The following ZMAT4 variants were observed in gnomAD, a reference collection of about 807,000 sequenced individuals.
ZMAT4 encodes zinc finger matrin-type protein 4.
Under a neutral mutation model 28.7 loss-of-function variants are expected in ZMAT4, and 17 were observed. The observed-to-expected ratio is 0.59, with a 90% confidence interval of 0.41 to 0.89. ZMAT4 has a LOEUF of 0.89. Among genes scored for constraint, ZMAT4 ranks in the 40% least tolerant of loss-of-function variants. The pLI is 0.00. For synonymous variants in ZMAT4, 117 were observed against 109.2 expected, an observed-to-expected ratio of 1.07 and a Z score of -0.44; for missense variants, 240 against 283.8, an observed-to-expected ratio of 0.85 and a Z score of 1.11.
intron 5 of ZMAT4, among the ~76,000 whole-genome samples, chr8:40,647,919 T>C (rs1243330190): frequency 6.6e-6 from 1 of 152,034 alleles, no homozygotes; most frequent in African/African-American, 2.4e-5. Flanking sequence ...CCAAAAACCA[T>C]CTGTACATCA....
At chr8:40,707,434 T>C (rs957170624) in intron 3 of ZMAT4, among the ~76,000 whole-genome samples, 5 of 152,160 alleles carry the variant, frequency 3.3e-5, no homozygotes, top group Non-Finnish European at 7.3e-5. Flanking sequence ...TGGATATCAC[T>C]TATAATTATT....
chr8:40,680,868 T>C (rs1033043628), intron 4 of ZMAT4, among the ~76,000 whole-genome samples: 2 of 152,158 alleles, frequency 1.3e-5, no homozygotes, highest in East Asian at 1.9e-4. Context: ...GGCTTTAGGA[T>C]AGTGAAGTTT....
chr8:40,820,882 TGTA>T (rs1815784936), intron 2 of ZMAT4, among the ~76,000 whole-genome samples: 1 of 45,800 alleles, frequency 2.2e-5, no homozygotes, highest in Non-Finnish European at 4.7e-5. Flanking sequence ...TGTGTGCATG[TGTA>T]TGTGTTTATG....
At chr8:40,688,025 A>C (rs913781546) in intron 4 of ZMAT4, among the ~76,000 whole-genome samples, 1 of 152,186 alleles carries the variant, frequency 6.6e-6, no homozygotes, top group African/African-American at 2.4e-5. Context: ...TGAGGATTGC[A>C]CTCAGAATGC....
intron 3 of ZMAT4, among the ~76,000 whole-genome samples, chr8:40,710,256 C>T (rs746368336): frequency 3.3e-5 from 5 of 152,094 alleles, no homozygotes; most frequent in Non-Finnish European, 2.9e-5. Context: ...GTTAATTATA[C>T]TGGTGCTGTA....
intron 1 of ZMAT4, among the ~76,000 whole-genome samples, chr8:40,835,115 A>G (rs556215629): frequency 6.6e-6 from 1 of 152,302 alleles, no homozygotes; most frequent in African/African-American, 2.4e-5. Context: ...CTCTTTCTGC[A>G]CTTTCAGAGG....
At chr8:40,881,579 A>AAAGG (rs1818265254) in intron 1 of ZMAT4, among the ~76,000 whole-genome samples, 1 of 107,502 alleles carries the variant, frequency 9.3e-6, no homozygotes, top group East Asian at 3.1e-4. Context: ...AGAAAGAAAG[A>AAAGG]AAGAAAGAAA....
At chr8:40,623,284 G>A (rs765672084) in intron 5 of ZMAT4, among the ~76,000 whole-genome samples, 13 of 152,184 alleles carry the variant, frequency 8.5e-5, no homozygotes, top group Non-Finnish European at 1.8e-4. Context: ...GGATGATGTG[G>A]TGTAGAATAT....
intron 2 of ZMAT4, among the ~76,000 whole-genome samples, chr8:40,785,795 T>A (rs975735320): frequency 6.6e-6 from 1 of 152,196 alleles, no homozygotes; most frequent in African/African-American, 2.4e-5. Context: ...GGGCACCACA[T>A]TATGCAGTAC....
At chr8:40,534,603 C>G (rs1454428653) in intron 6 of ZMAT4, among the ~76,000 whole-genome samples, 1 of 150,684 alleles carries the variant, frequency 6.6e-6, no homozygotes, top group Non-Finnish European at 1.5e-5. Flanking sequence ...GATAGCTCAT[C>G]TTCTTTTTGA....
At chr8:40,581,573 A>T (rs1804465679) in intron 5 of ZMAT4, among the ~76,000 whole-genome samples, 1 of 152,214 alleles carries the variant, frequency 6.6e-6, no homozygotes, top group Admixed American at 6.5e-5. Flanking sequence ...TCTCTAGATC[A>T]TATAGACATA....
At chr8:40,591,475 G>A (rs570658755) in intron 5 of ZMAT4, among the ~76,000 whole-genome samples, 1 of 152,250 alleles carries the variant, frequency 6.6e-6, no homozygotes, top group Non-Finnish European at 1.5e-5. Context: ...TGAGGCTGGG[G>A]ACACTAAGAC....
chr8:40,860,003 G>A (rs981142459), intron 1 of ZMAT4, among the ~76,000 whole-genome samples: 2 of 152,160 alleles, frequency 1.3e-5, no homozygotes, highest in Non-Finnish European at 1.5e-5. Flanking sequence ...ATGTAATATG[G>A]TCTAGAAAAG....
chr8:40,624,185 T>C (rs563141646), intron 5 of ZMAT4, among the ~76,000 whole-genome samples: 1 of 152,270 alleles, frequency 6.6e-6, no homozygotes, highest in African/African-American at 2.4e-5. Flanking sequence ...TAGGAGGTAA[T>C]TAAGGTCAAG....
At chr8:40,618,561 G>A (rs1806093813) in intron 5 of ZMAT4, among the ~76,000 whole-genome samples, 1 of 151,390 alleles carries the variant, frequency 6.6e-6, no homozygotes, top group South Asian at 2.1e-4. Flanking sequence ...ATCATCTTTT[G>A]ATACCTTTAA....
chr8:40,846,163 C>A (rs565207421), intron 1 of ZMAT4, among the ~76,000 whole-genome samples: 8 of 152,304 alleles, frequency 5.3e-5, no homozygotes, highest in African/African-American at 1.9e-4. Context: ...CTTCCAAACG[C>A]ACCACCCCCC....
At chr8:40,587,885 T>C (rs1462652782) in intron 5 of ZMAT4, among the ~76,000 whole-genome samples, 2 of 151,998 alleles carry the variant, frequency 1.3e-5, no homozygotes, top group African/African-American at 2.4e-5. Context: ...CAAACACTTA[T>C]AGGTTGAAAG....
intron 2 of ZMAT4, among the ~76,000 whole-genome samples, chr8:40,788,711 T>C (rs546505926): frequency 2.0e-5 from 3 of 152,056 alleles, no homozygotes; most frequent in East Asian, 3.9e-4. Context: ...AGGGAATACT[T>C]TCCAACTCAT....
At chr8:40,703,978 C>T (rs541077427) in intron 3 of ZMAT4, among the ~76,000 whole-genome samples, 1 of 152,324 alleles carries the variant, frequency 6.6e-6, no homozygotes, top group South Asian at 2.1e-4. Flanking sequence ...GCTAGACATT[C>T]TAAAATCCTG....
Sources: gnomAD v4.1 joint callset for allele counts (sites outside exome capture counted in the v4.1 genomes callset) on GRCh38, gnomAD v4.1.1 for gene constraint, MANE v1.5 for transcripts, NCBI Gene and HGNC (gene_info 2026-07-23, HGNC 2026-07-21) for gene names.